CELF4: variants seen among roughly 807,000 people sequenced by gnomAD.
CELF4 encodes CUGBP Elav-like family member 4.
CELF4 carries 18 observed loss-of-function variants against 59.9 expected under a neutral mutation model. The ratio of observed to expected loss-of-function variants is 0.30; its 90% CI spans 0.21 to 0.45. The LOEUF (loss-of-function observed/expected upper bound fraction) is 0.45, where lower values mean the gene tolerates loss of function less well. CELF4 is among the 20% of genes least tolerant of loss of function. CELF4 has a pLI of 1.00. For missense variants in CELF4, 456 were observed against 689.0 expected (o/e 0.66, Z 3.79); for synonymous variants, 261 against 267.1 (o/e 0.98, Z 0.22).
At position 37,480,454 on chromosome 18, in the gene CELF4, C is replaced by T. The variant is rs565767333; in HGVS notation, c.369+5071G>A. Among the ~76,000 whole-genome samples, 70 of 152,368 alleles carry T rather than the reference C, an allele frequency of 4.6e-4. 1 individual carries two copies. Among genetic ancestry groups the T allele is most frequent in the African/African-American group, 1.5e-3 (64 of 41,588 alleles). On this transcript the variant is annotated intron_variant, in intron 2 of 12. Coordinates refer to ENST00000420428, the MANE Select transcript of CELF4 (RefSeq NM_020180.4). ...ATGCTAACTACATCCATCATAAATT[C>T]GTCTTTAGTTTCTGTTATCATATCA...
intron 2 of CELF4, among the ~76,000 whole-genome samples, chr18:37,413,583 T>G (rs2099494961): frequency 6.6e-6 from 1 of 152,236 alleles, no homozygotes; most frequent in African/African-American, 2.4e-5. Context: ...TCCTCTTTAG[T>G]CTGGTCTCCT....
At chr18:37,476,962 CT>C (rs1314899073) in intron 2 of CELF4, among the ~76,000 whole-genome samples, 5 of 152,248 alleles carry the variant, frequency 3.3e-5, no homozygotes, top group Non-Finnish European at 5.9e-5. Flanking sequence ...GAGAGCGAAG[CT>C]TTCTCCTCTT....
intron 2 of CELF4, among the ~76,000 whole-genome samples, chr18:37,460,711 T>C (rs1420096606): frequency 6.6e-6 from 1 of 152,214 alleles, no homozygotes; most frequent in Non-Finnish European, 1.5e-5. Flanking sequence ...TAGGCTGCAA[T>C]TATCACAGGA....
At chr18:37,277,414 C>T (rs139077210) in intron 3 of CELF4, among the ~76,000 whole-genome samples, 88 of 152,322 alleles carry the variant, frequency 5.8e-4, no homozygotes, top group African/African-American at 2.0e-3. Context: ...CAGGGTTCTG[C>T]GTGCAGCCCT....
At chr18:37,470,883 T>TGAGAGAGAGAGA (rs1569569556) in intron 2 of CELF4, among the ~76,000 whole-genome samples, 1 of 83,526 alleles carries the variant, frequency 1.2e-5, no homozygotes, top group African/African-American at 4.5e-5. Context: ...TGTGTGTGTG[T>TGAGAGAGAGAGA]GTGTGACAGA....
In CELF4 at chr18:37,488,042, C is replaced by G. The variant is rs539187508; in HGVS notation, c.287-2435G>C. The stretch of plus-strand genomic sequence containing the variant: ...TGGTCCCCTCACTACTTCTTAGCCC[C>G]CCAGGTGCACTCTGTCTTAGGGTCT... On this transcript the variant is annotated intron_variant, in intron 1 of 12. Coordinates refer to ENST00000420428, the MANE Select transcript of CELF4 (RefSeq NM_020180.4). Among the ~76,000 whole-genome samples, 4 of 152,116 alleles carry G rather than the reference C, an allele frequency of 2.6e-5. 1 individual carries two copies. The South Asian group carries it at 8.3e-4, about 32-fold the overall frequency.
chr18:37,357,641 A>G (rs1477790743), intron 2 of CELF4, among the ~76,000 whole-genome samples: 1 of 152,178 alleles, frequency 6.6e-6, no homozygotes, highest in Non-Finnish European at 1.5e-5. Flanking sequence ...AGATCCACCA[A>G]CAGCTTGCAT....
At chr18:37,278,499 C>T (rs915946429) in intron 3 of CELF4, among the ~76,000 whole-genome samples, 1 of 152,202 alleles carries the variant, frequency 6.6e-6, no homozygotes, top group African/African-American at 2.4e-5. Context: ...GGGCCAGGCC[C>T]ACTGACTCCC....
chr18:37,555,857 T>A (rs536028833), intron 1 of CELF4, among the ~76,000 whole-genome samples: 2 of 152,270 alleles, frequency 1.3e-5, no homozygotes, highest in South Asian at 4.2e-4. Context: ...TACCATGGCA[T>A]GTGGTATGCA....
intron 2 of CELF4, among the ~76,000 whole-genome samples, chr18:37,450,177 T>C (rs1349553759): frequency 6.6e-6 from 1 of 152,122 alleles, no homozygotes; most frequent in Non-Finnish European, 1.5e-5. Context: ...GGTACAAGTT[T>C]GTATGGGAGT....
At chr18:37,478,194 G>A (rs1486141056) in intron 2 of CELF4, among the ~76,000 whole-genome samples, 1 of 152,204 alleles carries the variant, frequency 6.6e-6, no homozygotes, top group African/African-American at 2.4e-5. Flanking sequence ...AGCTGGAAGG[G>A]TCTTGAGAGG....
chr18:37,254,030 C>A lies in CELF4; in HGVS notation c.1334-92G>T. 1.4e-6 allele frequency: 1 copy of A among 706,872 alleles called. No homozygotes were observed. 43.8% of individuals were successfully genotyped at this position (706,872 alleles called of 1,614,324 possible). On this transcript the variant is annotated intron_variant, in intron 11 of 12. Transcript: ENST00000420428. This position sits in a 1 kb window ranked among gnomAD's most constrained non-coding sequence, Gnocchi z 5.1. Reference sequence around the variant, plus strand: ...GGGGTCGGGGGACAGGGGGGCGGGGCGGGCCTGAGGCTCTCCCCCTCGGGC... The same window carrying A: ...GGGGTCGGGGGACAGGGGGGCGGGGAGGGCCTGAGGCTCTCCCCCTCGGGC...
intron 2 of CELF4, among the ~76,000 whole-genome samples, chr18:37,343,160 G>A (rs1569567076): frequency 6.6e-6 from 1 of 152,214 alleles, no homozygotes; most frequent in Admixed American, 6.5e-5. Context: ...TGCTGGGCTA[G>A]CAGCAGTGTC....
intron 2 of CELF4, among the ~76,000 whole-genome samples, chr18:37,354,397 G>A (rs1002450450): frequency 6.6e-6 from 1 of 152,144 alleles, no homozygotes; most frequent in African/African-American, 2.4e-5. Flanking sequence ...CTGGTGGGGG[G>A]CGCAGAGGGC....
At chr18:37,470,920 G>GAGAGAGA (rs374277745) in intron 2 of CELF4, among the ~76,000 whole-genome samples, 59 of 147,386 alleles carry the variant, frequency 4.0e-4, no homozygotes, top group East Asian at 7.9e-4. Flanking sequence ...GAGAGAGAGA[G>GAGAGAGA]GTGGAGCCTC....
Position 37,270,831 on chromosome 18 carries a change from G to T in CELF4, c.1036C>A (p.Pro346Thr). ...GCAGCAGGTTGCCCATTGGCCTGTG[G>T]GGGGAGGCCGGTGAAGCCATTCACC... ...IGVNGFTGLP[P>T]QANGQPAAEA... Residue 346 changes from proline (P) to threonine (T), a missense_variant, in exon 8 of 13, where the codon CCA (proline) becomes ACA (threonine). Pro to Thr is a conservative substitution (Grantham distance 38). Coordinates refer to ENST00000420428, the MANE Select transcript of CELF4 (RefSeq NM_020180.4). 6.2e-7 allele frequency: 1 copy of T among 1,613,914 alleles called. No individual in the cohort carries two copies. The highest frequency in any genetic ancestry group is 8.5e-7 in the Non-Finnish European group (1 of 1,179,964).
intron 2 of CELF4, among the ~76,000 whole-genome samples, chr18:37,355,149 G>C (rs1454599380): frequency 6.6e-6 from 1 of 152,238 alleles, no homozygotes; most frequent in Non-Finnish European, 1.5e-5. Context: ...GAGAGAGACA[G>C]TGTGAGCCTG....
At chr18:37,314,381 G>T (rs955318839) in intron 3 of CELF4, among the ~76,000 whole-genome samples, 6 of 152,150 alleles carry the variant, frequency 3.9e-5, no homozygotes, top group Non-Finnish European at 5.9e-5. Flanking sequence ...CTTAAACCTG[G>T]GAGGTGGAGG....
At chr18:37,360,371 C>T (rs1169491100) in intron 2 of CELF4, among the ~76,000 whole-genome samples, 1 of 152,226 alleles carries the variant, frequency 6.6e-6, no homozygotes, top group African/African-American at 2.4e-5. Context: ...ACCGGCTGCA[C>T]AGGAACCAGC....
Sources: allele counts gnomAD v4.1 joint callset (sites outside exome capture counted in the v4.1 genomes callset), GRCh38; gene constraint gnomAD v4.1.1; non-coding constraint Gnocchi (gnomAD v3.1); transcripts MANE v1.5; gene names NCBI Gene and HGNC (gene_info 2026-07-23, HGNC 2026-07-21).